FAM120B: variants seen among roughly 807,000 people sequenced by gnomAD.
FAM120B encodes the protein constitutive coactivator of peroxisome proliferator-activated receptor gamma.
A neutral mutation model predicts 96.3 loss-of-function variants in FAM120B; 83 were observed. The ratio of observed to expected loss-of-function variants is 0.86; its 90% CI spans 0.72 to 1.03. The LOEUF (loss-of-function observed/expected upper bound fraction) is 1.03, where lower values mean the gene tolerates loss of function less well. Ranked by LOEUF, FAM120B falls within the 50% of genes least tolerant of loss-of-function variation. FAM120B has a pLI of 0.00. For synonymous variants in FAM120B, 407 were observed against 402.7 expected, an observed-to-expected ratio of 1.01 and a Z score of -0.13; for missense variants, 1,027 against 1,121.2, an observed-to-expected ratio of 0.92 and a Z score of 1.20.
At chr6:170,369,344 G>C (rs1031305379) in intron 6 of FAM120B, among the ~76,000 whole-genome samples, 2 of 152,210 alleles carry the variant, frequency 1.3e-5, no homozygotes, top group African/African-American at 4.8e-5. Flanking sequence ...GGAACCAGCT[G>C]TGCAGTGCGT....
intron 4 of FAM120B, among the ~76,000 whole-genome samples, chr6:170,344,696 G>A (rs986494491): frequency 5.9e-5 from 9 of 152,164 alleles, no homozygotes; most frequent in African/African-American, 2.2e-4. Context: ...TCCCCTAATC[G>A]TTGCGTGGAT....
intron 6 of FAM120B, among the ~76,000 whole-genome samples, chr6:170,378,135 T>A (rs1463834070): frequency 6.6e-6 from 1 of 152,236 alleles, no homozygotes; most frequent in Non-Finnish European, 1.5e-5. Context: ...CTGTGGAATT[T>A]TCCTTGGTTC....
chr6:170,299,506 T>C (rs919800862), intron 1 of FAM120B, among the ~76,000 whole-genome samples: 7 of 152,388 alleles, frequency 4.6e-5, no homozygotes, highest in African/African-American at 1.7e-4. Flanking sequence ...TTCCCTGCTC[T>C]AGGCAGAGAT....
intron 9 of FAM120B, among the ~76,000 whole-genome samples, chr6:170,399,268 A>G (rs566330615): frequency 2.6e-3 from 374 of 145,600 alleles, no homozygotes; most frequent in African/African-American, 9.7e-3. Flanking sequence ...GAACTATGTC[A>G]TAACTCTTAG....
intron 6 of FAM120B, among the ~76,000 whole-genome samples, chr6:170,366,327 A>C (rs1248413012): frequency 2.6e-5 from 4 of 152,204 alleles, no homozygotes; most frequent in Non-Finnish European, 5.9e-5. Flanking sequence ...GGTTCTGGCC[A>C]GTTGCCTTGG....
In FAM120B at chr6:170,350,340, G is replaced by A. The variant is rs529004884; in HGVS notation, c.2190+2017G>A. Among the ~76,000 whole-genome samples, 3 of 152,330 alleles carry A rather than the reference G, an allele frequency of 2.0e-5. No homozygotes were observed. In the East Asian group the frequency reaches 5.8e-4, roughly 29 times the overall value. Reference sequence around the variant, plus strand: ...GTCCAAGTTCCCAGGAAGAGGGACGGCCACAGTTCAGTCAACTTACCTGCT... The same window carrying A: ...GTCCAAGTTCCCAGGAAGAGGGACGACCACAGTTCAGTCAACTTACCTGCT... On this transcript the variant is annotated intron_variant, in intron 5 of 10. Transcript: ENST00000476287.
At chr6:170,351,790 C>T (rs1307017667) in intron 5 of FAM120B, among the ~76,000 whole-genome samples, 1 of 152,206 alleles carries the variant, frequency 6.6e-6, no homozygotes, top group African/African-American at 2.4e-5. Context: ...TTGAAGGAAG[C>T]ATTAAATATG....
chr6:170,352,281 G>A (rs1344380493), intron 5 of FAM120B, among the ~76,000 whole-genome samples: 8 of 152,118 alleles, frequency 5.3e-5, no homozygotes, highest in African/African-American at 9.7e-5. Flanking sequence ...ACCCAGACTC[G>A]CAAAGCAAGT....
intron 6 of FAM120B, among the ~76,000 whole-genome samples, chr6:170,367,611 T>C (rs1788885187): frequency 1.3e-5 from 2 of 152,202 alleles, no homozygotes; most frequent in Admixed American, 1.3e-4. Context: ...GGGAGCCCCA[T>C]GCTTTTGTCT....
chr6:170,369,690 T>G (rs753182574), intron 6 of FAM120B, among the ~76,000 whole-genome samples: 2,172 of 106,746 alleles, frequency 0.02, 27 homozygotes, highest in East Asian at 0.09. Context: ...CTTAGGGTAG[T>G]TTTTTTTTTT....
chr6:170,368,368 CCTT>C (rs151109314), intron 6 of FAM120B, among the ~76,000 whole-genome samples: 2,678 of 152,244 alleles, frequency 0.018, 78 homozygotes, highest in African/African-American at 0.061. Context: ...GATTTAGAAA[CCTT>C]CTCATAAAAG....
At chr6:170,301,185 G>A (rs781571580) in intron 1 of FAM120B, among the ~76,000 whole-genome samples, 2 of 152,260 alleles carry the variant, frequency 1.3e-5, no homozygotes, top group Non-Finnish European at 1.5e-5. Flanking sequence ...CTAGGTGGAG[G>A]TTCCCAAACC....
intron 5 of FAM120B, among the ~76,000 whole-genome samples, chr6:170,353,460 C>A (rs1787706432): frequency 6.6e-6 from 1 of 152,178 alleles, no homozygotes; most frequent in Non-Finnish European, 1.5e-5. Context: ...AAGAAAACTT[C>A]AGGCCAATAT....
At chr6:170,341,991 C>G (rs1232792962) in intron 4 of FAM120B, among the ~76,000 whole-genome samples, 1 of 152,186 alleles carries the variant, frequency 6.6e-6, no homozygotes, top group African/African-American at 2.4e-5. Flanking sequence ...ATGACATGAT[C>G]ACAAGGTCCC....
chr6:170,369,172 A>T lies in FAM120B; in HGVS notation c.2283+10854A>T, dbSNP rs145020152. ...GAACAAAGCAAAAGAAAGCAAATGAACAAAGCAAAAGAAATTAGTATTCAT... is the reference window on the plus strand; with the variant it reads ...GAACAAAGCAAAAGAAAGCAAATGATCAAAGCAAAAGAAATTAGTATTCAT... On this transcript the variant is annotated intron_variant, in intron 6 of 10. Transcript: ENST00000476287. 2.8e-3 allele frequency among the ~76,000 whole-genome samples: 416 copies of T among 150,206 alleles called. 1 individual carries two copies. Among genetic ancestry groups the T allele is most frequent in the African/African-American group, 9.5e-3 (394 of 41,502 alleles).
In FAM120B at chr6:170,406,842, C is replaced by T. The variant is rs2115354885; in HGVS notation, c.*2091C>T. Reference sequence around the variant, plus strand: ...TGGGTGTCTGTGAAAATTGTTTTCTCCTTCATAATACCTAAATTCTAGTTT... The same window carrying T: ...TGGGTGTCTGTGAAAATTGTTTTCTTCTTCATAATACCTAAATTCTAGTTT... On this transcript the variant is annotated 3_prime_UTR_variant, in exon 11 of 11. Coordinates refer to ENST00000476287, the MANE Select transcript of FAM120B (RefSeq NM_032448.3). 6.6e-6 allele frequency: 1 copy of T among 152,304 alleles called. No homozygotes were observed. The highest frequency in any genetic ancestry group is 1.9e-4 in the East Asian group (1 of 5,182). The allele number at this position is 152,304 out of a possible 1,614,324, so 9.4% of individuals were successfully genotyped here. A position where few individuals can be genotyped will look rare whatever the true frequency, so the allele number is the denominator to read the frequency against.
intron 4 of FAM120B, among the ~76,000 whole-genome samples, chr6:170,333,193 A>C (rs1395571625): frequency 1.4e-5 from 2 of 142,564 alleles, no homozygotes; most frequent in Admixed American, 1.4e-4. Context: ...CCTGTATTGA[A>C]AACCTAATCA....
chr6:170,395,466 T>C, intron 8 of FAM120B, 21 bp from the exon 9 acceptor site: 1 of 1,561,158 alleles, frequency 6.4e-7, no homozygotes, highest in Non-Finnish European at 8.7e-7. Flanking sequence ...TTACTAATCT[T>C]CTGACTATGT....
At chr6:170,403,172 T>C (rs1485744550) in intron 9 of FAM120B, among the ~76,000 whole-genome samples, 1 of 152,210 alleles carries the variant, frequency 6.6e-6, no homozygotes, top group African/African-American at 2.4e-5. Flanking sequence ...AAAGTGATAT[T>C]AGTGGTGCCT....
Sources: gnomAD v4.1 joint callset for allele counts (sites outside exome capture counted in the v4.1 genomes callset) on GRCh38, gnomAD v4.1.1 for gene constraint, MANE v1.5 for transcripts, NCBI Gene and HGNC (gene_info 2026-07-23, HGNC 2026-07-21) for gene names.